Variants in AGL observed in about 807,000 individuals in gnomAD.
AGL encodes the protein glycogen debranching enzyme.
In AGL, 128 loss-of-function variants were observed where a neutral mutation model predicts 199.3. The ratio of observed to expected loss-of-function variants is 0.64; its 90% CI spans 0.56 to 0.74. AGL has a LOEUF of 0.74. Among genes scored for constraint, AGL ranks in the 30% least tolerant of loss-of-function variants. The pLI is 0.00. For synonymous variants in AGL, 584 were observed against 594.7 expected (o/e 0.98, Z 0.26); for missense variants, 1,809 against 1,820.8 (o/e 0.99, Z 0.12).
intron 11 of AGL, among the ~76,000 whole-genome samples, chr1:99,876,837 T>C (rs1270137747): frequency 6.6e-6 from 1 of 152,254 alleles, no homozygotes; most frequent in East Asian, 1.9e-4. Context: ...AGAATAACTT[T>C]TATGTACTGT....
chr1:99,914,695 T>A (rs3820157), intron 30 of AGL, among the ~76,000 whole-genome samples: 57,286 of 152,032 alleles, frequency 0.38, 11,896 homozygotes, highest in East Asian at 0.56. Flanking sequence ...GTTCTGTGTT[T>A]ATTTATGGCC....
chr1:99,854,014 T>C (rs1259939826), intron 2 of AGL, among the ~76,000 whole-genome samples: 2 of 151,994 alleles, frequency 1.3e-5, no homozygotes, highest in African/African-American at 4.8e-5. Flanking sequence ...ATCAACATGG[T>C]GAAACCCCTT....
Position 99,910,719 on chromosome 1 carries a change from T to C in AGL, c.3708T>C (p.Asn1236=). 1.9e-6 allele frequency: 3 copies of C among 1,598,956 alleles called. No homozygotes were observed. The highest frequency in any genetic ancestry group is 2.6e-6 in the Non-Finnish European group (3 of 1,168,348). Reference sequence around the variant, plus strand: ...ACACATTTTGTTTTTTAGGTTTTAATATAACTGCAGGAGTTGATGAAGAAA... The same window carrying C: ...ACACATTTTGTTTTTTAGGTTTTAACATAACTGCAGGAGTTGATGAAGAAA... ...IDRNMKDEGF[N]ITAGVDEETG... The change falls in exon 28 of 34, where the codon AAT becomes AAC. Residue 1236 remains asparagine, a synonymous_variant. Transcript: ENST00000361915.
chr1:99,883,089 T>C (rs1570448778), intron 17 of AGL, among the ~76,000 whole-genome samples: 1 of 152,282 alleles, frequency 6.6e-6, no homozygotes, highest in South Asian at 2.1e-4. Flanking sequence ...TTGTTAAATG[T>C]TCGTACGTTC....
intron 5 of AGL, among the ~76,000 whole-genome samples, chr1:99,868,689 G>A (rs1303683826): frequency 3.3e-5 from 5 of 152,252 alleles, no homozygotes; most frequent in Admixed American, 3.3e-4. Context: ...GGCTGAGGCA[G>A]GAGGATCACT....
At chr1:99,902,606 C>A in intron 26 of AGL, 77 bp from the exon 27 acceptor site, 1 of 1,149,290 alleles carries the variant, frequency 8.7e-7, no homozygotes, top group Non-Finnish European at 1.3e-6. Flanking sequence ...TTTCACATTA[C>A]TTCAGTTGTC....
At chr1:99,862,031 A>G (rs905684937) in intron 3 of AGL, among the ~76,000 whole-genome samples, 2 of 152,170 alleles carry the variant, frequency 1.3e-5, no homozygotes, top group African/African-American at 4.8e-5. Context: ...TTAAACCAAC[A>G]TTCTTGGATA....
In AGL at chr1:99,923,308, A is replaced by T. The variant is rs1256069845; in HGVS notation, c.*1657A>T. ...AATGACTGTCCTTGAGAGAACCATT[A>T]GTTTATCAAAGGTTTATGTAGTTTT... On this transcript the variant is annotated 3_prime_UTR_variant, in exon 34 of 34. Coordinates refer to ENST00000361915, the MANE Select transcript of AGL (RefSeq NM_000642.3). The T allele has an allele frequency of 6.6e-6, 1 of 152,158 alleles. No individual in the cohort carries two copies. Among genetic ancestry groups the T allele is most frequent in the Non-Finnish European group, 1.5e-5 (1 of 68,008 alleles). The allele number at this position is 152,158 out of a possible 1,614,324, so 9.4% of individuals were successfully genotyped here.
At chr1:99,894,030 A>T (rs1255566498) in intron 24 of AGL, among the ~76,000 whole-genome samples, 1 of 152,070 alleles carries the variant, frequency 6.6e-6, no homozygotes, top group East Asian at 1.9e-4. Flanking sequence ...CAAAAAAAAA[A>T]ATTAAAAATT....
intron 25 of AGL, among the ~76,000 whole-genome samples, chr1:99,898,898 A>G (rs1216571065): frequency 1.3e-5 from 2 of 152,200 alleles, no homozygotes; most frequent in Non-Finnish European, 2.9e-5. Context: ...AGAGGTAATC[A>G]TGAATCAGAA....
chr1:99,870,650 T>C, intron 6 of AGL, 69 bp downstream of exon 6: 1 of 1,553,146 alleles, frequency 6.4e-7, no homozygotes, highest in Admixed American at 1.7e-5. Flanking sequence ...AAATATATGG[T>C]TGAAAATTAC....
intron 7 of AGL, 21 bp from the exon 8 acceptor site, chr1:99,874,666 A>G: frequency 6.2e-7 from 1 of 1,601,408 alleles, no homozygotes; most frequent in Non-Finnish European, 8.6e-7. Flanking sequence ...CATTTAAGGT[A>G]TCGTCTTTTC....
At chr1:99,902,336 C>A (rs1467682910) in intron 26 of AGL, among the ~76,000 whole-genome samples, 1 of 152,120 alleles carries the variant, frequency 6.6e-6, no homozygotes, top group African/African-American at 2.4e-5. Flanking sequence ...GTAAAAATAG[C>A]AATGCCAATT....
rs762195957 is a variant in AGL at position 99,900,880 on chromosome 1, A to AT, written c.3588+20dup. 2.0e-6 allele frequency: 3 copies of AT among 1,518,500 alleles called. No homozygotes were observed. Among genetic ancestry groups the AT allele is most frequent in the Non-Finnish European group, 2.7e-6 (3 of 1,115,338 alleles). The allele number at this position is 1,518,500 out of a possible 1,614,324, so 94.1% of individuals were successfully genotyped here. On this transcript the variant is annotated intron_variant, in intron 26 of 33. Transcript: ENST00000361915. ...CACACTGGTAAAGATATTTCTTAAAATGTTTTTTTGTTTTTTTTTTTTTTT... is the reference window on the plus strand; with the variant it reads ...CACACTGGTAAAGATATTTCTTAAAATTGTTTTTTTGTTTTTTTTTTTTTTT...
intron 2 of AGL, among the ~76,000 whole-genome samples, chr1:99,857,970 G>A (rs1191940881): frequency 6.6e-6 from 1 of 152,190 alleles, no homozygotes; most frequent in African/African-American, 2.4e-5. Context: ...TTGTATGTCA[G>A]ATAAGTTACA....
chr1:99,875,497 T>C, intron 10 of AGL, 42 bp downstream of exon 10: 1 of 1,509,152 alleles, frequency 6.6e-7, no homozygotes, highest in Non-Finnish European at 9.2e-7. Flanking sequence ...GGTTGAAAAC[T>C]GAAAATTGTA....
At chr1:99,875,934 G>A (rs531698773) in intron 10 of AGL, among the ~76,000 whole-genome samples, 1 of 152,236 alleles carries the variant, frequency 6.6e-6, no homozygotes, top group African/African-American at 2.4e-5. Context: ...GAGTGCAGTG[G>A]CACGATCTCA....
At position 99,913,706 on chromosome 1, in the gene AGL, C is replaced by T. The variant is rs891277070; in HGVS notation, c.4129C>T (p.Leu1377Phe). The change falls in exon 30 of 34, where the codon CTC becomes TTC. Residue 1377 changes from leucine to phenylalanine, a missense_variant. Coordinates refer to ENST00000361915, the MANE Select transcript of AGL (RefSeq NM_000642.3). ...TTCAAGTCCTTGGTGTGACTATCAG[C>T]TCAGGCCTAATTTTACCATAGCAAT... is the stretch of plus-strand genomic sequence containing the variant. ...GASSPWCDYQLRPNFTIAMVV... is the reference protein window; with the variant it reads ...GASSPWCDYQFRPNFTIAMVV... 6.2e-7 allele frequency: 1 copy of T among 1,614,066 alleles called. No individual in the cohort carries two copies. The highest frequency in any genetic ancestry group is 8.5e-7 in the Non-Finnish European group (1 of 1,179,968).
chr1:99,917,213 G>T (rs1322329269), intron 33 of AGL, among the ~76,000 whole-genome samples: 1 of 152,106 alleles, frequency 6.6e-6, no homozygotes, highest in Non-Finnish European at 1.5e-5. Flanking sequence ...TCAGAGTTAC[G>T]TATCTTTATA....
Sources: gnomAD v4.1 joint callset for allele counts (sites outside exome capture counted in the v4.1 genomes callset) on GRCh38, gnomAD v4.1.1 for gene constraint, MANE v1.5 for transcripts, NCBI Gene and HGNC (gene_info 2026-07-23, HGNC 2026-07-21) for gene names.